UBAP2L: variants seen among roughly 807,000 people sequenced by gnomAD.
UBAP2L encodes the protein ubiquitin associated protein 2 like, also known as ubiquitin-associated protein 2-like.
In UBAP2L, 12 loss-of-function variants were observed where a neutral mutation model predicts 130.6. The ratio of observed to expected loss-of-function variants is 0.09; its 90% CI spans 0.06 to 0.15. UBAP2L has a LOEUF of 0.15. Ranked by LOEUF, UBAP2L falls within the 10% of genes least tolerant of loss-of-function variation. UBAP2L has a pLI of 1.00. For synonymous variants in UBAP2L, 503 were observed against 524.7 expected, an observed-to-expected ratio of 0.96 and a Z score of 0.57; for missense variants, 965 against 1,332.5, an observed-to-expected ratio of 0.72 and a Z score of 4.29.
intron 8 of UBAP2L, among the ~76,000 whole-genome samples, 161 bp downstream of exon 8, chr1:154,237,297 G>A (rs188846898): frequency 4.6e-5 from 7 of 152,304 alleles, no homozygotes; most frequent in Middle Eastern, 3.4e-3. Flanking sequence ...TTTATGTAAC[G>A]TGCATATGGG....
chr1:154,234,455 A>C, intron 4 of UBAP2L, 136 bp from the exon 5 acceptor site: 3 of 807,086 alleles, frequency 3.7e-6, no homozygotes, highest in Non-Finnish European at 3.9e-6. Flanking sequence ...CAGAAGTAAA[A>C]GCAAACTAAT....
chr1:154,240,211 T>TTC (rs1339411746), intron 8 of UBAP2L, among the ~76,000 whole-genome samples: 1 of 152,216 alleles, frequency 6.6e-6, no homozygotes, highest in Non-Finnish European at 1.5e-5. Flanking sequence ...CTCTTGTCCC[T>TTC]TCTTCAGACA....
At chr1:154,228,505 A>G in intron 3 of UBAP2L, 110 bp from the exon 4 acceptor site, 1 of 819,472 alleles carries the variant, frequency 1.2e-6, no homozygotes. Flanking sequence ...TTGCTTTTTA[A>G]ACTTGTTTTT....
chr1:154,264,895 T>G (rs1224684763), intron 24 of UBAP2L, among the ~76,000 whole-genome samples: 4 of 152,222 alleles, frequency 2.6e-5, no homozygotes, highest in African/African-American at 9.6e-5. Context: ...TTTCCATAAC[T>G]GAACTTCCTA....
At chr1:154,235,353 G>T in intron 6 of UBAP2L, 62 bp downstream of exon 6, 1 of 684,598 alleles carries the variant, frequency 1.5e-6, no homozygotes. Context: ...TTAATGGTCT[G>T]CTTTATTTTT....
chr1:154,246,179 G>A, intron 10 of UBAP2L, 25 bp from the exon 11 acceptor site: 5 of 1,584,914 alleles, frequency 3.2e-6, no homozygotes, highest in Non-Finnish European at 4.3e-6. Context: ...CATTCTTCAT[G>A]AAGATCCCTT....
At chr1:154,264,991 C>T (rs1682793675) in intron 24 of UBAP2L, among the ~76,000 whole-genome samples, 2 of 152,194 alleles carry the variant, frequency 1.3e-5, no homozygotes, top group Non-Finnish European at 2.9e-5. Flanking sequence ...ACCCCATTAG[C>T]CCTTTAAGAT....
intron 23 of UBAP2L, 95 bp from the exon 24 acceptor site, chr1:154,261,497 T>C: frequency 1.7e-6 from 2 of 1,159,918 alleles, no homozygotes; most frequent in Admixed American, 3.5e-5. Context: ...TCAGGATAGG[T>C]AGCCATCTGA....
At chr1:154,258,945 T>A in intron 20 of UBAP2L, 32 bp from the exon 21 acceptor site, 1 of 1,601,182 alleles carries the variant, frequency 6.2e-7, no homozygotes, top group Middle Eastern at 1.7e-4. Flanking sequence ...CATGACCAGT[T>A]CCTGTTATTG....
At position 154,270,512 on chromosome 1, in the gene UBAP2L, C is replaced by G; in HGVS notation, c.*217C>G. On this transcript the variant is annotated 3_prime_UTR_variant, in exon 27 of 27. Transcript: ENST00000428931. ...ATTTGTATTTTCTCCTTTTTTTTCCCCCTTCCATTCCTTCTCCCCTCTTGC... is the reference window on the plus strand; with the variant it reads ...ATTTGTATTTTCTCCTTTTTTTTCCGCCTTCCATTCCTTCTCCCCTCTTGC... 1 of 1,447,446 alleles carries G rather than the reference C, an allele frequency of 6.9e-7. No individual in the cohort carries two copies. Among genetic ancestry groups the G allele is most frequent in the Non-Finnish European group, 9.1e-7 (1 of 1,104,848 alleles). 89.7% of individuals were successfully genotyped at this position (1,447,446 alleles called of 1,614,324 possible). A position where few individuals can be genotyped will look rare whatever the true frequency, so the allele number is the denominator to read the frequency against.
At chr1:154,260,763 G>GT in intron 22 of UBAP2L, 129 bp from the exon 23 acceptor site, 1 of 881,756 alleles carries the variant, frequency 1.1e-6, no homozygotes, top group East Asian at 2.6e-5. Context: ...ACTAAGAAAT[G>GT]TAATTCAAGG....
intron 12 of UBAP2L, among the ~76,000 whole-genome samples, chr1:154,249,878 A>AAAG (rs1558183769): frequency 4.0e-5 from 6 of 149,478 alleles, no homozygotes; most frequent in South Asian, 4.2e-4. Flanking sequence ...AAAAAAAAAA[A>AAAG]AAAGAAAAAT....
At chr1:154,226,428 AT>A (rs1294506117) in intron 2 of UBAP2L, among the ~76,000 whole-genome samples, 1 of 152,228 alleles carries the variant, frequency 6.6e-6, no homozygotes, top group Non-Finnish European at 1.5e-5. Flanking sequence ...ATATTTGATT[AT>A]GGTCAGATAA....
intron 25 of UBAP2L, 54 bp from the exon 26 acceptor site, chr1:154,268,703 C>T: frequency 6.3e-7 from 1 of 1,585,202 alleles, no homozygotes; most frequent in South Asian, 1.1e-5. Context: ...GGAAAAATCC[C>T]AAGACTAGTT....
At chr1:154,269,144 G>A (rs1684171834) in intron 26 of UBAP2L, 190 bp downstream of exon 26, 2 of 895,564 alleles carry the variant, frequency 2.2e-6, no homozygotes, top group Non-Finnish European at 1.7e-6. Flanking sequence ...GGAAATCTCA[G>A]AGAAGGGCCG....
intron 14 of UBAP2L, 27 bp downstream of exon 14, chr1:154,251,680 T>C: frequency 6.2e-7 from 1 of 1,611,420 alleles, no homozygotes; most frequent in Non-Finnish European, 8.5e-7. Flanking sequence ...CCATAAGACC[T>C]CTCTTATTAA....
chr1:154,254,055 C>G lies in UBAP2L; in HGVS notation c.1820C>G (p.Ser607Cys). ...TQTRRYPSSI[S>C]SSPQKDLTQA... ...ACTCGGCGGTACCCCAGCTCCATCT[C>G]TTCATCACCCCAAAAGGACCTGACT... Residue 607 changes from serine to cysteine, a missense_variant, in exon 15 of 27, where the codon TCT becomes TGT. Ser to Cys is a moderately radical substitution (Grantham distance 112). Coordinates refer to ENST00000428931, the MANE Select transcript of UBAP2L (RefSeq NM_014847.4). 1 of 1,595,786 alleles carries G rather than the reference C, an allele frequency of 6.3e-7. No individual in the cohort carries two copies. Among genetic ancestry groups the G allele is most frequent in the East Asian group, 2.3e-5 (1 of 43,986 alleles).
chr1:154,249,155 C>A, intron 11 of UBAP2L, 84 bp from the exon 12 acceptor site: 3 of 1,337,056 alleles, frequency 2.2e-6, no homozygotes, highest in Non-Finnish European at 3.2e-6. Context: ...TCTATACTGG[C>A]TCTCGGTCTG....
intron 15 of UBAP2L, 49 bp from the exon 16 acceptor site, chr1:154,254,786 CA>C: frequency 6.4e-7 from 1 of 1,573,880 alleles, no homozygotes; most frequent in Non-Finnish European, 8.6e-7. Flanking sequence ...TTTCCTCATT[CA>C]CATGAGTTTG....
Sources: gnomAD v4.1 joint callset for allele counts (sites outside exome capture counted in the v4.1 genomes callset) on GRCh38, gnomAD v4.1.1 for gene constraint, MANE v1.5 for transcripts, NCBI Gene and HGNC (gene_info 2026-07-23, HGNC 2026-07-21) for gene names.